PRDM15: variants seen among roughly 807,000 people sequenced by gnomAD.
PRDM15 encodes PR/SET domain 15, also known as PR domain zinc finger protein 15.
Under a neutral mutation model 128.6 loss-of-function variants are expected in PRDM15, and 64 were observed. The observed-to-expected ratio is 0.50, with a 90% CI of 0.41 to 0.61. The LOEUF (loss-of-function observed/expected upper bound fraction) is 0.61. Ranked by LOEUF, PRDM15 falls within the 20% of genes least tolerant of loss-of-function variation. The pLI is 0.00. For synonymous variants in PRDM15, 615 were observed against 621.8 expected, an observed-to-expected ratio of 0.99 and a Z score of 0.16; for missense variants, 1,242 against 1,569.1, an observed-to-expected ratio of 0.79 and a Z score of 3.52.
At chr21:41,846,757 C>A (rs796084551) in intron 6 of PRDM15, among the ~76,000 whole-genome samples, 102 of 152,354 alleles carry the variant, frequency 6.7e-4, no homozygotes, top group African/African-American at 2.4e-3. Context: ...CAAGTAGAGA[C>A]AACAAAGGCA....
rs1316173349 is a variant in PRDM15, at chr21:41,799,235, T to A, written c.*2005A>T. 1.3e-5 allele frequency: 2 copies of A among 152,192 alleles called. No homozygotes were observed. The highest frequency in any genetic ancestry group is 2.4e-5 in the African/African-American group (1 of 41,430). The allele number at this position is 152,192 out of a possible 1,614,324, so 9.4% of individuals were successfully genotyped here. A position where few individuals can be genotyped will look rare whatever the true frequency, so the allele number is the denominator to read the frequency against. On this transcript the variant is annotated 3_prime_UTR_variant, in exon 24 of 24. Coordinates refer to ENST00000398548, the MANE Select transcript of PRDM15 (RefSeq NM_001040424.3). ...GAGTCTCTGCGAGGTCATTTGCCCT[T>A]TAGATTCTGCAAAGGCAAAAAGAAA...
chr21:41,799,818 C>T lies in PRDM15; in HGVS notation c.*1422G>A, dbSNP rs2061375783. The T allele has an allele frequency of 6.6e-6, 1 of 152,556 alleles. No individual in the cohort carries two copies. The highest frequency in any genetic ancestry group is 2.4e-5 in the African/African-American group (1 of 41,424). 9.5% of individuals were successfully genotyped at this position (152,556 alleles called of 1,614,324 possible). A position where few individuals can be genotyped will look rare whatever the true frequency, so the allele number is the denominator to read the frequency against. On this transcript the variant is annotated 3_prime_UTR_variant, in exon 24 of 24. Transcript: ENST00000398548. ...CAGGACACCTTAAGGCAGGTTTGTC[C>T]TCTCACTGTGGCCACAAACAGAGTA...
At position 41,821,641 on chromosome 21, in the gene PRDM15, C is replaced by T. The variant is rs761192376; in HGVS notation, c.1896+262G>A. Among the ~76,000 whole-genome samples the T allele has an allele frequency of 1.3e-5, 2 of 152,334 alleles. No individual in the cohort carries two copies. Among genetic ancestry groups the T allele is most frequent in the African/African-American group, 4.8e-5 (2 of 41,572 alleles). ...CCACACTTCATGTGTGTTCCTGAAC[C>T]GTGTCACAAGGCAAGTTCCTGGAGG... On this transcript the variant is annotated intron_variant, in intron 15 of 23. Transcript: ENST00000398548. This position sits in a 1 kb window ranked among gnomAD's most constrained non-coding sequence, Gnocchi z 5.4.
intron 23 of PRDM15, 97 bp from the exon 24 acceptor site, chr21:41,801,819 A>AT: frequency 7.5e-7 from 1 of 1,338,942 alleles, no homozygotes; most frequent in Non-Finnish European, 1.0e-6. Context: ...ACACCAAAGA[A>AT]GCACGACATT....
At chr21:41,843,131 T>G (rs73219078) in intron 6 of PRDM15, among the ~76,000 whole-genome samples, 5,327 of 150,228 alleles carry the variant, frequency 0.035, 236 homozygotes, top group East Asian at 0.25. Context: ...TTGTTTGTTT[T>G]AAGTATATCT....
In PRDM15 at chr21:41,810,850, C is replaced by G. The variant is rs577625003; in HGVS notation, c.2393-14G>C. ...AATCTTTAATCCCTGCAGAGAAAGG[C>G]GCACATAACTTCCTACGTTTAATGA... On this transcript the variant is annotated splice_polypyrimidine_tract_variant and intron_variant, in intron 19 of 23. Coordinates refer to ENST00000398548, the MANE Select transcript of PRDM15 (RefSeq NM_001040424.3). This position sits in a 1 kb window ranked among gnomAD's most constrained non-coding sequence, Gnocchi z 6.4. 6.2e-7 allele frequency: 1 copy of G among 1,612,718 alleles called. No individual in the cohort carries two copies. The highest frequency in any genetic ancestry group is 1.1e-5 in the South Asian group (1 of 91,056).
chr21:41,810,717 TGCGCCCC>T lies in PRDM15; in HGVS notation c.2476+29_2476+35del, dbSNP rs1363449357. Reference sequence around the variant, plus strand: ...CAGACAGCCCCGGCAGCCTGCCGCGTGCGCCCCGAAGGCTCCTTCAGGCTGCGCCGCT... The same window carrying T: ...CAGACAGCCCCGGCAGCCTGCCGCGTGAAGGCTCCTTCAGGCTGCGCCGCT... On this transcript the variant is annotated intron_variant, in intron 20 of 23. Coordinates refer to ENST00000398548, the MANE Select transcript of PRDM15 (RefSeq NM_001040424.3). The surrounding 1 kb of genome is among the most constrained non-coding windows in gnomAD (Gnocchi z 6.4). The T allele has an allele frequency of 6.3e-7, 1 of 1,576,304 alleles. No individual in the cohort carries two copies. Among genetic ancestry groups the T allele is most frequent in the Non-Finnish European group, 8.7e-7 (1 of 1,146,566 alleles).
In PRDM15 at chr21:41,802,782, G is replaced by A; in HGVS notation, c.2873C>T (p.Ser958Leu). 6.2e-7 allele frequency: 1 copy of A among 1,614,180 alleles called. No individual in the cohort carries two copies. Among genetic ancestry groups the A allele is most frequent in the Non-Finnish European group, 8.5e-7 (1 of 1,180,040 alleles). ...VPEDATFSEYSEKETEFTGSV... is the reference protein window; with the variant it reads ...VPEDATFSEYLEKETEFTGSV... ...GCCTGTGAACTCCGTCTCTTTCTCT[G>A]AGTATTCGCTGAAGGTGGCGTCCTC... Residue 958 changes from serine to leucine, a missense_variant, in exon 23 of 24, where the codon TCA becomes TTA. This residue lies in a region of PRDM15 where 602 missense variants were observed against 788.3 expected (regional missense o/e 0.76). Coordinates refer to ENST00000398548, the MANE Select transcript of PRDM15 (RefSeq NM_001040424.3).
intron 3 of PRDM15, among the ~76,000 whole-genome samples, chr21:41,858,679 G>A (rs2063716715): frequency 1.3e-5 from 2 of 152,308 alleles, no homozygotes; most frequent in South Asian, 2.1e-4. Flanking sequence ...GAGCCAGCAC[G>A]GAGGGTCTGA....
intron 1 of PRDM15, among the ~76,000 whole-genome samples, chr21:41,864,002 C>A (rs575296956): frequency 1.3e-5 from 2 of 152,276 alleles, no homozygotes; most frequent in East Asian, 3.9e-4. Flanking sequence ...TGCCACCACA[C>A]CCAGCTAATT....
rs762426084 is a variant in PRDM15, at chr21:41,854,531, G to A, written c.538+35C>T. On this transcript the variant is annotated intron_variant, in intron 5 of 23. Transcript: ENST00000398548. This position sits in a 1 kb window ranked among gnomAD's most constrained non-coding sequence, Gnocchi z 4.6. ...CATAACCCCTTCGGCGAGGCACAAG[G>A]GAAGGTGGGCTCCGGATCGGGGGCC... The A allele has an allele frequency of 6.2e-6, 10 of 1,608,736 alleles. No homozygotes were observed. Among genetic ancestry groups the A allele is most frequent in the Non-Finnish European group, 8.5e-6 (10 of 1,179,726 alleles).
chr21:41,860,050 T>A (rs536677462), intron 2 of PRDM15, among the ~76,000 whole-genome samples: 1 of 152,314 alleles, frequency 6.6e-6, no homozygotes, highest in African/African-American at 2.4e-5. Flanking sequence ...TCATCCCTCC[T>A]GCCTAGCCCT....
intron 6 of PRDM15, among the ~76,000 whole-genome samples, chr21:41,845,381 T>A (rs2063231401): frequency 6.7e-6 from 1 of 148,188 alleles, no homozygotes; most frequent in Non-Finnish European, 1.5e-5. Context: ...TGCTCCTCAG[T>A]CTCCTTCCTG....
intron 4 of PRDM15, among the ~76,000 whole-genome samples, chr21:41,856,635 C>A (rs908764943): frequency 3.3e-5 from 5 of 152,152 alleles, no homozygotes; most frequent in Admixed American, 2.6e-4. Context: ...CTAAAGCCTG[C>A]CTTGCAATTT....
chr21:41,806,045 TCAC>T (rs1568880032), intron 21 of PRDM15, among the ~76,000 whole-genome samples: 303 of 16,046 alleles, frequency 0.019, 16 homozygotes, highest in Admixed American at 0.1. Flanking sequence ...ACCACCACCA[TCAC>T]CACCACCACC....
chr21:41,848,353 T>C (rs1363049771), intron 5 of PRDM15, among the ~76,000 whole-genome samples: 1 of 152,180 alleles, frequency 6.6e-6, no homozygotes, highest in Non-Finnish European at 1.5e-5. Context: ...GAAAGAGGCA[T>C]AAATGCAATA....
rs1332741958 is a variant in PRDM15 at position 41,832,835 on chromosome 21, T to TC, written c.1366+2601dup. Among the ~76,000 whole-genome samples, 2 of 152,068 alleles carry TC rather than the reference T, an allele frequency of 1.3e-5. No homozygotes were observed. The highest frequency in any genetic ancestry group is 2.9e-5 in the Non-Finnish European group (2 of 67,996). On this transcript the variant is annotated intron_variant, in intron 11 of 23. Transcript: ENST00000398548. The surrounding 1 kb of genome is among the most constrained non-coding windows in gnomAD (Gnocchi z 4.2). The stretch of plus-strand genomic sequence containing the variant: ...TTCAGCTTTCTCCCTCACAAGCCCC[T>TC]CGTGACCATGGAAAGAGAACCTACT...
chr21:41,836,498 T>C lies in PRDM15; in HGVS notation c.1153A>G (p.Ser385Gly). ...NICSKIFQNS[S>G]NLSRHVRSHG... ...GAGCGCACGTGCCTGCTCAGGTTGC[T>C]GCTGTTCTGGAAGATCTTGCTGCAG... is the stretch of plus-strand genomic sequence containing the variant. Residue 385 changes from serine (S) to glycine (G), a missense_variant, in exon 9 of 24, where the codon AGC (serine) becomes GGC (glycine). Ser to Gly is a moderately conservative substitution (Grantham distance 56). This residue lies in a region of PRDM15 where 612 missense variants were observed against 717.0 expected (regional missense o/e 0.85). Transcript: ENST00000398548. The C allele has an allele frequency of 6.2e-7, 1 of 1,612,066 alleles. No homozygotes were observed. Among genetic ancestry groups the C allele is most frequent in the Non-Finnish European group, 8.5e-7 (1 of 1,179,740 alleles).
chr21:41,846,647 C>T (rs559771612), intron 6 of PRDM15, among the ~76,000 whole-genome samples: 32 of 152,332 alleles, frequency 2.1e-4, no homozygotes, highest in Non-Finnish European at 4.3e-4. Context: ...CAGTGAGCCA[C>T]GATCATGCCA....
Sources: allele counts gnomAD v4.1 joint callset (sites outside exome capture counted in the v4.1 genomes callset), GRCh38; gene constraint gnomAD v4.1.1; regional missense constraint gnomAD v4.1.1; non-coding constraint Gnocchi (gnomAD v3.1); transcripts MANE v1.5; gene names NCBI Gene and HGNC (gene_info 2026-07-23, HGNC 2026-07-21).